Variants in DAB1 observed in about 807,000 individuals in gnomAD.
The protein encoded by DAB1 is disabled homolog 1.
A neutral mutation model predicts 64.6 loss-of-function variants in DAB1; 15 were observed. The ratio of observed to expected loss-of-function variants is 0.23; its 90% confidence interval spans 0.16 to 0.36. DAB1 has a LOEUF of 0.36. DAB1 is among the 10% of genes least tolerant of loss of function. The pLI is 1.00. For synonymous variants in DAB1, 235 were observed against 251.9 expected, an observed-to-expected ratio of 0.93 and a Z score of 0.64; for missense variants, 596 against 706.7, an observed-to-expected ratio of 0.84 and a Z score of 1.78.
chr1:58,099,550 T>A (rs1423057098), intron 5 of DAB1, among the ~76,000 whole-genome samples: 1 of 152,190 alleles, frequency 6.6e-6, no homozygotes, highest in Non-Finnish European at 1.5e-5. Context: ...GCCAGGCAGG[T>A]GTGAGGGCAC....
intron 7 of DAB1, among the ~76,000 whole-genome samples, chr1:57,434,565 C>T (rs372716080): frequency 5.3e-5 from 8 of 152,246 alleles, no homozygotes; most frequent in African/African-American, 1.9e-4. Flanking sequence ...GTTATACAAG[C>T]AAATACAGTT....
intron 1 of DAB1, among the ~76,000 whole-genome samples, chr1:57,321,736 A>C (rs987036250): frequency 1.3e-5 from 2 of 152,190 alleles, no homozygotes; most frequent in African/African-American, 4.8e-5. Flanking sequence ...ATGGCTGTAA[A>C]AGGATGAAAG....
At chr1:58,524,468 A>AC (rs1646318415) in intron 2 of DAB1, among the ~76,000 whole-genome samples, 1 of 152,236 alleles carries the variant, frequency 6.6e-6, no homozygotes, top group Admixed American at 6.5e-5. Flanking sequence ...GAATCATATT[A>AC]GAGTCTATAG....
At chr1:58,456,838 G>A (rs1460550118) in intron 3 of DAB1, among the ~76,000 whole-genome samples, 1 of 152,146 alleles carries the variant, frequency 6.6e-6, no homozygotes, top group East Asian at 1.9e-4. Flanking sequence ...CTCTGGAGGT[G>A]AAGCTATGGG....
intron 7 of DAB1, among the ~76,000 whole-genome samples, chr1:57,532,606 T>C (rs17115931): frequency 0.022 from 3,339 of 152,306 alleles, 140 homozygotes; most frequent in African/African-American, 0.076. Flanking sequence ...CTGTTTGTGA[T>C]ATGCATCAAT....
At chr1:57,087,427 G>A (rs550071599) in intron 4 of DAB1, among the ~76,000 whole-genome samples, 1 of 152,240 alleles carries the variant, frequency 6.6e-6, no homozygotes, top group African/African-American at 2.4e-5. Flanking sequence ...GAAGGGGAGA[G>A]AAGTACACTG....
intron 5 of DAB1, among the ~76,000 whole-genome samples, chr1:58,117,978 C>T (rs1289396631): frequency 1.3e-5 from 2 of 151,860 alleles, no homozygotes; most frequent in African/African-American, 4.8e-5. Flanking sequence ...AATCATGGCT[C>T]ACTATAGCCT....
At chr1:57,325,983 C>T (rs778888336) in intron 1 of DAB1, among the ~76,000 whole-genome samples, 2 of 152,082 alleles carry the variant, frequency 1.3e-5, no homozygotes, top group Non-Finnish European at 2.9e-5. Flanking sequence ...TTCTTTCCAG[C>T]ATTAAAGAAA....
Position 57,906,721 on chromosome 1 carries a change from G to A in DAB1, n.388-22559C>T, listed in dbSNP as rs183488357. Among the ~76,000 whole-genome samples the A allele has an allele frequency of 2.3e-3, 343 of 152,214 alleles. 1 individual carries two copies. The highest frequency in any genetic ancestry group is 8.0e-3 in the African/African-American group (334 of 41,532). ...TGAGGGAAGAGGGTACCCGGGAGGA[G>A]AGAGAACCTTGTTATGTTAAGATTC... On this transcript the variant is annotated intron_variant and non_coding_transcript_variant, in intron 5 of 20. Transcript: ENST00000485760.
intron 9 of DAB1, among the ~76,000 whole-genome samples, chr1:57,034,077 G>A (rs973341215): frequency 3.9e-5 from 6 of 152,020 alleles, no homozygotes; most frequent in Non-Finnish European, 5.9e-5. Flanking sequence ...TCAGGAGATC[G>A]AGACCAGCCT....
chr1:57,255,147 T>C (rs1487610239), intron 2 of DAB1, among the ~76,000 whole-genome samples: 1 of 152,204 alleles, frequency 6.6e-6, no homozygotes, highest in Non-Finnish European at 1.5e-5. Context: ...CTCTGAAAAC[T>C]GTGTCAGGTA....
intron 5 of DAB1, among the ~76,000 whole-genome samples, chr1:58,077,737 T>C (rs1001518107): frequency 4.6e-5 from 7 of 152,290 alleles, no homozygotes; most frequent in African/African-American, 9.6e-5. Context: ...AAAGGAAAGA[T>C]TGACGGCTTC....
intron 6 of DAB1, among the ~76,000 whole-genome samples, chr1:57,723,217 T>C (rs527656585): frequency 6.6e-6 from 1 of 152,356 alleles, no homozygotes; most frequent in South Asian, 2.1e-4. Flanking sequence ...AAATGAGCTG[T>C]GTGACCACGG....
intron 4 of DAB1, among the ~76,000 whole-genome samples, chr1:58,153,980 C>T (rs1038216175): frequency 1.3e-5 from 2 of 151,454 alleles, no homozygotes; most frequent in African/African-American, 4.9e-5. Flanking sequence ...AATCTATATC[C>T]TATCTACCTT....
At chr1:57,402,856 T>C (rs1683358607) in intron 1 of DAB1, among the ~76,000 whole-genome samples, 1 of 151,996 alleles carries the variant, frequency 6.6e-6, no homozygotes, top group Non-Finnish European at 1.5e-5. Context: ...AATAAAAGAA[T>C]GGTCCCATTA....
chr1:57,140,923 A>G (rs577330939), intron 3 of DAB1, among the ~76,000 whole-genome samples: 1 of 152,288 alleles, frequency 6.6e-6, no homozygotes, highest in African/African-American at 2.4e-5. Context: ...TGCTTTGAGA[A>G]TCAGATGTAT....
chr1:58,212,236 C>A (rs1658593539), intron 4 of DAB1, among the ~76,000 whole-genome samples: 1 of 152,300 alleles, frequency 6.6e-6, no homozygotes, highest in East Asian at 1.9e-4. Flanking sequence ...TGAATGCCCA[C>A]TAGGTGCGAA....
At chr1:57,231,300 T>C (rs1007034015) in intron 2 of DAB1, among the ~76,000 whole-genome samples, 2 of 152,210 alleles carry the variant, frequency 1.3e-5, no homozygotes, top group African/African-American at 4.8e-5. Context: ...AATTTCTTCT[T>C]CTGGGTATCC....
chr1:57,997,156 C>A (rs1646438294), intron 5 of DAB1, among the ~76,000 whole-genome samples: 1 of 152,088 alleles, frequency 6.6e-6, no homozygotes, highest in East Asian at 1.9e-4. Flanking sequence ...CAAGTGGGCA[C>A]CAGCATGTTC....
Sources: gnomAD v4.1 joint callset for allele counts (sites outside exome capture counted in the v4.1 genomes callset) on GRCh38, gnomAD v4.1.1 for gene constraint, MANE v1.5 for transcripts, NCBI Gene and HGNC (gene_info 2026-07-23, HGNC 2026-07-21) for gene names.